HS1BP3: variants seen among roughly 807,000 people sequenced by gnomAD.
HS1BP3 encodes the protein HCLS1-binding protein 3.
A neutral mutation model predicts 33.5 loss-of-function variants in HS1BP3; 32 were observed. The observed-to-expected ratio is 0.95, with a 90% CI of 0.72 to 1.28. The LOEUF (loss-of-function observed/expected upper bound fraction) is 1.28. HS1BP3 is among the 50% of genes most tolerant of loss of function. The pLI, the probability that HS1BP3 is intolerant of heterozygous loss-of-function variation, is 0.00. For synonymous variants in HS1BP3, 187 were observed against 209.2 expected (o/e 0.89, Z 0.92); for missense variants, 486 against 502.3 (o/e 0.97, Z 0.31).
At chr2:20,588,569 C>T (rs1693737482), downstream of HS1BP3, among the ~76,000 whole-genome samples, 2 of 152,184 alleles carry the variant, frequency 1.3e-5, no homozygotes, top group South Asian at 4.1e-4. Context: ...ATCCGACTGC[C>T]TCGGCCTCCC....
At chr2:20,638,753 G>C (rs1221250404) in intron 3 of HS1BP3, 101 bp from the exon 4 acceptor site, 1 of 917,814 alleles carries the variant, frequency 1.1e-6, no homozygotes, top group East Asian at 2.5e-5. Flanking sequence ...CTGAGGCCGA[G>C]GGCTTCCTGC....
In HS1BP3 at chr2:20,624,676, G is replaced by A. The variant is rs1036537460; in HGVS notation, c.784+56C>T. On this transcript the variant is annotated intron_variant, in intron 5 of 6. Transcript: ENST00000304031. ...GCCGGGTGAGTCCAGACCCTGCCTG[G>A]TGATGGGGCTGGGCACCGAGAGGAC... 2.0e-6 allele frequency: 3 copies of A among 1,509,552 alleles called. No individual in the cohort carries two copies. The African/African-American group carries it at 4.2e-5, about 21-fold the overall frequency. 93.5% of individuals were successfully genotyped at this position (1,509,552 alleles called of 1,614,324 possible).
intron 4 of HS1BP3, among the ~76,000 whole-genome samples, chr2:20,630,854 G>A (rs978798766): frequency 5.3e-5 from 8 of 152,248 alleles, no homozygotes; most frequent in African/African-American, 1.9e-4. Flanking sequence ...GCCTGGCATA[G>A]TGAAAGTGCC....
At chr2:20,563,179 TC>T (rs1693042600) in intron 5 of HS1BP3, among the ~76,000 whole-genome samples, 1 of 152,120 alleles carries the variant, frequency 6.6e-6, no homozygotes, top group Non-Finnish European at 1.5e-5. Context: ...TGCTCACCTC[TC>T]CCCCATGTCC....
At chr2:20,628,896 C>G (rs1237983545) in intron 4 of HS1BP3, among the ~76,000 whole-genome samples, 1 of 152,060 alleles carries the variant, frequency 6.6e-6, no homozygotes, top group Non-Finnish European at 1.5e-5. Context: ...GAAAGGGGAC[C>G]CCTTAGGTTT....
Position 20,641,030 on chromosome 2 carries a change from G to A in HS1BP3, c.349C>T (p.Arg117Cys), listed in dbSNP as rs377728516. The change falls in exon 3 of 7, where the codon CGC (arginine) becomes TGC (cysteine). Residue 117 changes from arginine (R) to cysteine (C), a missense_variant. Coordinates refer to ENST00000304031, the MANE Select transcript of HS1BP3 (RefSeq NM_022460.4). ...AACTCGGCATCCTTGGAGACACAGC[G>A]CAGGATCTCATTGAACACGGCTCTC... ...ERRAVFNEILRCVSKDAELAG... is the reference protein window; with the variant it reads ...ERRAVFNEILCCVSKDAELAG... 68 of 1,614,042 alleles carry A rather than the reference G, an allele frequency of 4.2e-5. No individual in the cohort carries two copies. Among genetic ancestry groups the A allele is most frequent in the East Asian group, 1.8e-4 (8 of 44,890 alleles).
intron 5 of HS1BP3, among the ~76,000 whole-genome samples, chr2:20,576,023 T>C (rs1293496965): frequency 2.6e-5 from 4 of 152,180 alleles, no homozygotes; most frequent in Non-Finnish European, 5.9e-5. Context: ...CAGGGTCTTG[T>C]TCTCTCCCAG....
At chr2:20,563,405 T>G (rs1162169551) in intron 5 of HS1BP3, among the ~76,000 whole-genome samples, 1 of 152,174 alleles carries the variant, frequency 6.6e-6, no homozygotes, top group Non-Finnish European at 1.5e-5. Context: ...GAGGGACTCC[T>G]CAGGTTAGAC....
intron 6 of HS1BP3, 117 bp downstream of exon 6, chr2:20,623,778 AG>A: frequency 8.4e-7 from 1 of 1,195,428 alleles, no homozygotes; most frequent in East Asian, 2.8e-5. Flanking sequence ...TACTTTTCAC[AG>A]GCCTGGGGTC....
chr2:20,604,449 G>C (rs903982354), intron 2 of HS1BP3, among the ~76,000 whole-genome samples: 1 of 152,172 alleles, frequency 6.6e-6, no homozygotes, highest in Non-Finnish European at 1.5e-5. Flanking sequence ...TTAGAGACAG[G>C]TCGACTGAGG....
chr2:20,612,764 C>T (rs1336902520), intron 2 of HS1BP3, among the ~76,000 whole-genome samples: 1 of 152,170 alleles, frequency 6.6e-6, no homozygotes, highest in East Asian at 1.9e-4. Context: ...AATAAAGCTG[C>T]TATGAACATC....
intron 5 of HS1BP3, among the ~76,000 whole-genome samples, chr2:20,564,051 C>T (rs1693066519): frequency 6.6e-6 from 1 of 152,146 alleles, no homozygotes; most frequent in African/African-American, 2.4e-5. Context: ...AGGAGGGCTC[C>T]TAGGATCCTA....
intron 5 of HS1BP3, among the ~76,000 whole-genome samples, chr2:20,569,038 G>A (rs541421942): frequency 1.3e-5 from 2 of 152,250 alleles, no homozygotes; most frequent in Admixed American, 6.5e-5. Context: ...CAATGAGCCC[G>A]GCAGCTAGGA....
intron 5 of HS1BP3, among the ~76,000 whole-genome samples, chr2:20,582,845 C>T (rs1256671747): frequency 6.6e-6 from 1 of 152,188 alleles, no homozygotes; most frequent in East Asian, 1.9e-4. Flanking sequence ...GTCTCCTCTT[C>T]CCTGAGGGGT....
Position 20,611,810 on chromosome 2 carries a change from C to A in HS1BP3, c.178+12086G>T, listed in dbSNP as rs1694324355. Among the ~76,000 whole-genome samples, 1 of 152,210 alleles carries A rather than the reference C, an allele frequency of 6.6e-6. No homozygotes were observed. The highest frequency in any genetic ancestry group is 2.4e-5 in the African/African-American group (1 of 41,462). The stretch of plus-strand genomic sequence containing the variant: ...GTGAGGCAGCAGAAGCAGGCCATCA[C>A]CCTGCTCAGCAGCGTGGGGTTCAGA... On this transcript the variant is annotated intron_variant, in intron 2 of 3. Transcript: ENST00000415264. This position sits in a 1 kb window ranked among gnomAD's most constrained non-coding sequence, Gnocchi z 4.9.
intron 5 of HS1BP3, among the ~76,000 whole-genome samples, chr2:20,561,067 T>C (rs1692981063): frequency 6.6e-6 from 1 of 152,150 alleles, no homozygotes; most frequent in African/African-American, 2.4e-5. Flanking sequence ...AGGTCTAGAC[T>C]TGCACTGACT....
rs752766419 is a variant in HS1BP3, at chr2:20,641,034, G to A, written c.345C>T (p.Ile115=). 3.1e-6 allele frequency: 5 copies of A among 1,614,048 alleles called. No individual in the cohort carries two copies. Among genetic ancestry groups the A allele is most frequent in the Non-Finnish European group, 3.4e-6 (4 of 1,180,040 alleles). ...IRERRAVFNE[I]LRCVSKDAEL... ...CGGCATCCTTGGAGACACAGCGCAG[G>A]ATCTCATTGAACACGGCTCTCCTCT... The change falls in exon 3 of 7, where the codon ATC becomes ATT. Residue 115 remains isoleucine, a synonymous_variant. Coordinates refer to ENST00000304031, the MANE Select transcript of HS1BP3 (RefSeq NM_022460.4).
intron 2 of HS1BP3, among the ~76,000 whole-genome samples, chr2:20,601,770 CTTTTTTTTTTTTTTT>C (rs35644786): frequency 1.4e-5 from 1 of 69,122 alleles, no homozygotes; most frequent in Non-Finnish European, 2.5e-5. Context: ...AGTGTGTCTT[CTTTTTTTTTTTTTTT>C]TTTTTTTTTT....
intron 2 of HS1BP3, among the ~76,000 whole-genome samples, chr2:20,601,406 A>C (rs1018453761): frequency 1.2e-4 from 18 of 152,310 alleles, no homozygotes; most frequent in Non-Finnish European, 2.4e-4. Context: ...AGTGTGAATA[A>C]ACTAAGAGAA....
Sources: gnomAD v4.1 joint callset for allele counts (sites outside exome capture counted in the v4.1 genomes callset) on GRCh38, gnomAD v4.1.1 for gene constraint, Gnocchi (gnomAD v3.1) non-coding constraint, MANE v1.5 for transcripts, NCBI Gene and HGNC (gene_info 2026-07-23, HGNC 2026-07-21) for gene names.